TRMT44: variants seen among roughly 807,000 people sequenced by gnomAD.
TRMT44 encodes the protein probable tRNA (uracil-O(2)-)-methyltransferase.
A neutral mutation model predicts 77.3 loss-of-function variants in TRMT44; 78 were observed. The ratio of observed to expected loss-of-function variants is 1.01; its 90% CI spans 0.84 to 1.22. The LOEUF (loss-of-function observed/expected upper bound fraction) is 1.22. TRMT44 is among the 50% of genes most tolerant of loss of function. TRMT44 has a pLI of 0.00. For missense variants in TRMT44, 1,090 were observed against 964.4 expected (o/e 1.13, Z -1.73); for synonymous variants, 391 against 383.3 (o/e 1.02, Z -0.23).
Position 8,445,314 on chromosome 4 carries a change from T to C in TRMT44, c.620-1162T>C, listed in dbSNP as rs972426165. Among the ~76,000 whole-genome samples, 8 of 152,192 alleles carry C rather than the reference T, an allele frequency of 5.3e-5. No homozygotes were observed. In the South Asian group the frequency reaches 1.0e-3, roughly 20 times the overall value. On this transcript the variant is annotated intron_variant, in intron 1 of 10. Transcript: ENST00000389737. ...GTCCTGTTGCAGTTTTTAAATGAGA[T>C]AATTCATGGAAAGAATGATGCATTG...
In TRMT44 at chr4:8,451,925, C is replaced by A; in HGVS notation, c.955-35C>A. On this transcript the variant is annotated intron_variant, in intron 3 of 10. Transcript: ENST00000389737. The surrounding 1 kb of genome is among the most constrained non-coding windows in gnomAD (Gnocchi z 4.1). ...TATTGGGAAATGGTGGTGGGGAAAC[C>A]GAACAATTTATGTTTGCTCTTGAAA... is the stretch of plus-strand genomic sequence containing the variant. 6.5e-7 allele frequency: 1 copy of A among 1,530,408 alleles called. No homozygotes were observed. Among genetic ancestry groups the A allele is most frequent in the Non-Finnish European group, 8.8e-7 (1 of 1,141,702 alleles). The allele number at this position is 1,530,408 out of a possible 1,614,324, so 94.8% of individuals were successfully genotyped here.
At chr4:8,499,935 A>C in the TRMT44 span, among the ~76,000 whole-genome samples, 1 of 152,100 alleles carries the variant, frequency 6.6e-6, no homozygotes, top group Non-Finnish European at 1.5e-5. Flanking sequence ...AAATAGAGAG[A>C]GAGCTCTCAG....
chr4:8,481,578 A>G (rs554047943), intron 2 of TRMT44, among the ~76,000 whole-genome samples: 2 of 152,294 alleles, frequency 1.3e-5, no homozygotes, highest in East Asian at 3.9e-4. Flanking sequence ...CTACCAACCT[A>G]CTATGTCACT....
At chr4:8,481,215 A>C (rs2109213647), downstream of TRMT44, among the ~76,000 whole-genome samples, 1 of 152,324 alleles carries the variant, frequency 6.6e-6, no homozygotes, top group South Asian at 2.1e-4. Context: ...AAAATGTTTA[A>C]ATTCACTTGT....
intron 6 of TRMT44, among the ~76,000 whole-genome samples, chr4:8,455,211 G>A (rs1449240757): frequency 6.6e-6 from 1 of 152,216 alleles, no homozygotes; most frequent in Non-Finnish European, 1.5e-5. Context: ...CCAGGACTGC[G>A]CCAGGGATGG....
the TRMT44 span, among the ~76,000 whole-genome samples, chr4:8,498,697 T>TC: frequency 1.9e-4 from 29 of 152,118 alleles, no homozygotes; most frequent in Non-Finnish European, 3.7e-4. The surrounding 1 kb of genome is among the most constrained non-coding windows in gnomAD (Gnocchi z 4.3). Flanking sequence ...TATCCACGCC[T>TC]CCCCTCATTC....
chr4:8,445,571 T>A (rs1006786661), intron 1 of TRMT44, among the ~76,000 whole-genome samples: 4 of 152,214 alleles, frequency 2.6e-5, no homozygotes, highest in African/African-American at 4.8e-5. Context: ...AGGTGCCCCA[T>A]GGCACACTCC....
intron 9 of TRMT44, among the ~76,000 whole-genome samples, chr4:8,469,954 A>T (rs967472646): frequency 1.3e-5 from 2 of 152,208 alleles, no homozygotes; most frequent in Non-Finnish European, 2.9e-5. Flanking sequence ...ATAGGGTAGG[A>T]AAGGGCCCTG....
chr4:8,467,876 G>A (rs1358536692), intron 8 of TRMT44, 38 bp from the exon 9 acceptor site: 1 of 1,548,824 alleles, frequency 6.5e-7, no homozygotes. Flanking sequence ...AAATAGACTA[G>A]CCAGCTAAAA....
intron 3 of TRMT44, among the ~76,000 whole-genome samples, chr4:8,450,792 GTTT>G (rs59875098): frequency 3.8e-3 from 366 of 96,668 alleles, no homozygotes; most frequent in Middle Eastern, 0.022. Context: ...TCATTTCCAT[GTTT>G]TTTTTTTTTT....
At chr4:8,498,296 G>A (rs1916326), downstream of TRMT44, among the ~76,000 whole-genome samples, 40,035 of 152,070 alleles carry the variant, frequency 0.26, 5,963 homozygotes, top group Admixed American at 0.38. The surrounding 1 kb of genome is among the most constrained non-coding windows in gnomAD (Gnocchi z 4.3). Context: ...ATTCTACCTC[G>A]TGCACCTCCC....
At chr4:8,489,398 C>G (rs567904512) in intron 2 of TRMT44, among the ~76,000 whole-genome samples, 1 of 152,380 alleles carries the variant, frequency 6.6e-6, no homozygotes, top group African/African-American at 2.4e-5. Flanking sequence ...TTACCTTTCC[C>G]TCAATTATTC....
intron 8 of TRMT44, among the ~76,000 whole-genome samples, chr4:8,467,283 G>T (rs2109161590): frequency 6.6e-6 from 1 of 152,334 alleles, no homozygotes; most frequent in South Asian, 2.1e-4. Flanking sequence ...CCGAGGGGTG[G>T]AATGAGGGGC....
Position 8,440,983 on chromosome 4 carries a change from C to T in TRMT44, c.161C>T (p.Ala54Val). ...EARWSAALPC[A>V]EARGPGTSAG... is the part of the protein sequence containing the mutation. ...CGCTGGAGCGCCGCCCTGCCCTGCG[C>T]GGAGGCCCGCGGCCCCGGGACTAGC... Residue 54 changes from alanine (A) to valine (V), a missense_variant, in exon 1 of 11, where the codon GCG becomes GTG. Transcript: ENST00000389737. 1.3e-6 allele frequency: 2 copies of T among 1,523,368 alleles called. No homozygotes were observed. The highest frequency in any genetic ancestry group is 1.8e-6 in the Non-Finnish European group (2 of 1,142,322). The allele number at this position is 1,523,368 out of a possible 1,614,324, so 94.4% of individuals were successfully genotyped here. A position where few individuals can be genotyped will look rare whatever the true frequency, so the allele number is the denominator to read the frequency against.
chr4:8,492,874 A>T (rs1339222056), intron 2 of TRMT44, among the ~76,000 whole-genome samples: 1 of 152,214 alleles, frequency 6.6e-6, no homozygotes, highest in African/African-American at 2.4e-5. Context: ...TGTATACCTT[A>T]CATATACTGA....
downstream of TRMT44, among the ~76,000 whole-genome samples, chr4:8,494,535 C>T (rs1179965543): frequency 6.6e-6 from 1 of 152,216 alleles, no homozygotes; most frequent in Non-Finnish European, 1.5e-5. Context: ...CTCTTAGCTA[C>T]CTGTGACGTG....
At chr4:8,488,203 G>A (rs1181834833) in intron 2 of TRMT44, among the ~76,000 whole-genome samples, 1 of 152,184 alleles carries the variant, frequency 6.6e-6, no homozygotes, top group Non-Finnish European at 1.5e-5. Flanking sequence ...CAAAGAGCAG[G>A]AGGACAGGGG....
chr4:8,460,691 C>A (rs1018784867), intron 6 of TRMT44, among the ~76,000 whole-genome samples: 1 of 151,716 alleles, frequency 6.6e-6, no homozygotes, highest in Non-Finnish European at 1.5e-5. Flanking sequence ...GTAGCTAGGA[C>A]CACAGGCGCG....
intron 2 of TRMT44, among the ~76,000 whole-genome samples, chr4:8,487,455 A>G (rs1201012876): frequency 6.6e-6 from 1 of 151,570 alleles, no homozygotes; most frequent in Non-Finnish European, 1.5e-5. Flanking sequence ...CAGAGATAAG[A>G]GGTCGGGGCA....
Sources: gnomAD v4.1 joint callset for allele counts (sites outside exome capture counted in the v4.1 genomes callset) on GRCh38, gnomAD v4.1.1 for gene constraint, Gnocchi (gnomAD v3.1) non-coding constraint, MANE v1.5 for transcripts, NCBI Gene and HGNC (gene_info 2026-07-23, HGNC 2026-07-21) for gene names.